The following SPAG16 variants were observed in gnomAD, a reference collection of about 807,000 sequenced individuals.
SPAG16 encodes sperm associated antigen 16.
SPAG16 carries 86 observed loss-of-function variants against 80.4 expected under a neutral mutation model. That is an observed-to-expected ratio of 1.07 (90% confidence interval 0.90 to 1.28). SPAG16 has a LOEUF of 1.28. Ranked by LOEUF, SPAG16 falls within the 50% of genes most tolerant of loss-of-function variation. The pLI, the probability that SPAG16 is intolerant of heterozygous loss-of-function variation, is 0.00. For missense variants in SPAG16, 870 were observed against 765.3 expected (o/e 1.14, Z -1.61); for synonymous variants, 294 against 265.9 (o/e 1.11, Z -1.03).
chr2:214,350,675 G>C (rs1333721808), intron 15 of SPAG16, among the ~76,000 whole-genome samples: 3 of 152,056 alleles, frequency 2.0e-5, no homozygotes, highest in East Asian at 1.9e-4. Flanking sequence ...CCCTTGGAAG[G>C]CTCAGATTCA....
At position 213,317,252 on chromosome 2, in the gene SPAG16, T is replaced by G. The variant is rs780662809; in HGVS notation, c.432T>G (p.Leu144=). The G allele has an allele frequency of 1.2e-6, 2 of 1,607,418 alleles. No individual in the cohort carries two copies. The highest frequency in any genetic ancestry group is 2.2e-5 in the South Asian group (2 of 90,212). ...YELIQKGVTE[L]RTVGNVPDVY... is the part of the protein sequence containing the mutation. ...TAATACAGAAAGGAGTGACTGAACT[T>G]AGAACTGTTGGGAATGTTCCAGATG... Residue 144 remains leucine (L), a synonymous_variant, in exon 5 of 16, where the codon CTT becomes CTG. Coordinates refer to ENST00000331683, the MANE Select transcript of SPAG16 (RefSeq NM_024532.5).
At chr2:213,399,614 C>A (rs949809571) in intron 9 of SPAG16, among the ~76,000 whole-genome samples, 1 of 151,842 alleles carries the variant, frequency 6.6e-6, no homozygotes, top group African/African-American at 2.4e-5. Flanking sequence ...TAAAATTGAT[C>A]TTTAATTTTC....
At chr2:213,603,163 T>C (rs535063087) in intron 10 of SPAG16, among the ~76,000 whole-genome samples, 27 of 152,352 alleles carry the variant, frequency 1.8e-4, no homozygotes, top group Admixed American at 9.1e-4. Flanking sequence ...CTTAGAAATA[T>C]AACAGCTGTT....
chr2:213,318,140 C>T (rs2063477871), intron 5 of SPAG16, among the ~76,000 whole-genome samples: 1 of 151,888 alleles, frequency 6.6e-6, no homozygotes, highest in South Asian at 2.1e-4. Flanking sequence ...GTGGTTTTGA[C>T]TTCAGTCCAG....
intron 9 of SPAG16, among the ~76,000 whole-genome samples, chr2:213,480,632 A>C (rs1331356457): frequency 6.6e-6 from 1 of 152,194 alleles, no homozygotes; most frequent in African/African-American, 2.4e-5. Flanking sequence ...CTATTTCAGC[A>C]CCCAGTATTG....
At chr2:214,224,458 T>A (rs1466634581) in intron 15 of SPAG16, among the ~76,000 whole-genome samples, 2 of 152,162 alleles carry the variant, frequency 1.3e-5, no homozygotes, top group African/African-American at 2.4e-5. Flanking sequence ...GATGTATAAG[T>A]ACAATCACAG....
chr2:213,893,528 T>C (rs1441404064), intron 11 of SPAG16, among the ~76,000 whole-genome samples: 2 of 152,156 alleles, frequency 1.3e-5, no homozygotes, highest in Middle Eastern at 3.2e-3. Context: ...TTAAGAGATA[T>C]GTAATATAAA....
At chr2:213,973,059 C>A (rs774375990) in intron 12 of SPAG16, among the ~76,000 whole-genome samples, 31 of 152,122 alleles carry the variant, frequency 2.0e-4, no homozygotes, top group Admixed American at 3.9e-4. Flanking sequence ...TAAGATTTAG[C>A]CAGCCCAGTT....
chr2:213,484,930 G>A (rs374710051), intron 9 of SPAG16, among the ~76,000 whole-genome samples: 1 of 151,266 alleles, frequency 6.6e-6, no homozygotes, highest in Admixed American at 6.6e-5. Flanking sequence ...CACATTTCTT[G>A]TTAGTGTTCT....
At chr2:214,177,971 GTATATATATATATATATA>G (rs34460783) in intron 15 of SPAG16, among the ~76,000 whole-genome samples, 5,599 of 58,440 alleles carry the variant, frequency 0.096, 242 homozygotes, top group Middle Eastern at 0.17. Context: ...CAAAGTGTAT[GTATATATATATATATATA>G]TATATATATA....
chr2:214,238,808 T>G (rs1318146638), intron 15 of SPAG16: 1 of 151,980 alleles, frequency 6.6e-6, no homozygotes, highest in African/African-American at 2.4e-5. Context: ...GAAACATCTT[T>G]GTTCACTACA....
chr2:213,408,257 T>C (rs774946882), intron 9 of SPAG16, among the ~76,000 whole-genome samples: 2 of 152,212 alleles, frequency 1.3e-5, no homozygotes, highest in Non-Finnish European at 2.9e-5. Flanking sequence ...AACAAGGGCA[T>C]AGCCAGAAAG....
At chr2:213,806,874 TCAATC>T (rs2071799584) in intron 10 of SPAG16, among the ~76,000 whole-genome samples, 1 of 152,180 alleles carries the variant, frequency 6.6e-6, no homozygotes. Flanking sequence ...TTTTAAAACA[TCAATC>T]CAAAGGGATA....
chr2:213,456,049 C>T (rs140400604), intron 9 of SPAG16, among the ~76,000 whole-genome samples: 4 of 152,352 alleles, frequency 2.6e-5, no homozygotes, highest in African/African-American at 9.6e-5. Context: ...CCTTTCGCCA[C>T]ACCTTGCCTC....
At chr2:214,193,426 TGA>T (rs55774604) in intron 15 of SPAG16, among the ~76,000 whole-genome samples, 2,158 of 136,334 alleles carry the variant, frequency 0.016, 28 homozygotes, top group African/African-American at 0.041. Context: ...TGTGTGTGTA[TGA>T]GAGAGAGAGA....
At chr2:214,211,721 C>A (rs1353848231) in intron 15 of SPAG16, among the ~76,000 whole-genome samples, 1 of 152,166 alleles carries the variant, frequency 6.6e-6, no homozygotes, top group African/African-American at 2.4e-5. Flanking sequence ...AGGCTTGGAT[C>A]AATTGATCAT....
chr2:213,711,356 C>T (rs887804814), intron 10 of SPAG16, among the ~76,000 whole-genome samples: 3 of 151,868 alleles, frequency 2.0e-5, no homozygotes, highest in Admixed American at 6.6e-5. Context: ...ATTTTTACTA[C>T]AAAAGTTATG....
At chr2:213,506,863 T>A (rs1340100140) in intron 10 of SPAG16, among the ~76,000 whole-genome samples, 1 of 152,242 alleles carries the variant, frequency 6.6e-6, no homozygotes, top group Admixed American at 6.5e-5. Flanking sequence ...TTCTGTCTTT[T>A]GTATCAGCAT....
intron 12 of SPAG16, among the ~76,000 whole-genome samples, chr2:214,001,064 T>C (rs2046768103): frequency 6.6e-6 from 1 of 152,196 alleles, no homozygotes. Flanking sequence ...ACATAAAATT[T>C]GAATGTATCA....
Sources: gnomAD v4.1 joint callset for allele counts (sites outside exome capture counted in the v4.1 genomes callset) on GRCh38, gnomAD v4.1.1 for gene constraint, MANE v1.5 for transcripts, NCBI Gene and HGNC (gene_info 2026-07-23, HGNC 2026-07-21) for gene names.